Variants in ELFN1 observed in about 807,000 individuals in gnomAD.
The protein encoded by ELFN1 is extracellular leucine rich repeat and fibronectin type III domain containing 1.
ELFN1 carries 6 observed loss-of-function variants against 7.6 expected under a neutral mutation model. The observed-to-expected ratio is 0.79, with a 90% CI of 0.43 to 1.56. ELFN1 has a LOEUF of 1.56. Among genes scored for constraint, ELFN1 ranks in the 40% most tolerant of loss-of-function variants. The probability of loss-of-function intolerance (pLI) is 0.01; values close to 1 mark genes in which losing one functional copy is unlikely to be tolerated. For synonymous variants in ELFN1, 657 were observed against 588.1 expected (o/e 1.12, Z -1.70); for missense variants, 1,169 against 1,232.2 (o/e 0.95, Z 0.77).
chr7:1,737,504 C>T (rs1372366539), intron 3 of ELFN1, among the ~76,000 whole-genome samples: 1 of 152,206 alleles, frequency 6.6e-6, no homozygotes, highest in Non-Finnish European at 1.5e-5. Context: ...GATGCGAAGC[C>T]ACTCGCCCTC....
chr7:1,689,272 G>A (rs1041979281), intron 2 of ELFN1, among the ~76,000 whole-genome samples: 6 of 152,224 alleles, frequency 3.9e-5, no homozygotes, highest in South Asian at 2.1e-4. Context: ...GCATGCTCAC[G>A]CATGTGTGTG....
intron 3 of ELFN1, among the ~76,000 whole-genome samples, chr7:1,718,076 C>T (rs1450799285): frequency 1.3e-5 from 2 of 152,210 alleles, no homozygotes; most frequent in African/African-American, 2.4e-5. Context: ...CTGCAGTTTC[C>T]ATGTCTGGAA....
chr7:1,696,818 G>A (rs1293003269), intron 2 of ELFN1, among the ~76,000 whole-genome samples: 1 of 152,156 alleles, frequency 6.6e-6, no homozygotes, highest in Non-Finnish European at 1.5e-5. Flanking sequence ...CGGGGGCCAG[G>A]GCTTCATCCC....
intron 3 of ELFN1, among the ~76,000 whole-genome samples, chr7:1,738,065 G>T (rs1381939759): frequency 1.3e-5 from 2 of 152,178 alleles, no homozygotes; most frequent in South Asian, 4.1e-4. Flanking sequence ...AGCAGACCTC[G>T]CCAGCGGCTG....
intron 1 of ELFN1, among the ~76,000 whole-genome samples, chr7:1,680,041 A>G (rs1778945874): frequency 6.6e-6 from 1 of 152,216 alleles, no homozygotes; most frequent in Admixed American, 6.5e-5. Context: ...GGGACATGGG[A>G]GTTACGCATT....
Position 1,745,226 on chromosome 7 carries a change from C to T in ELFN1, c.630C>T (p.Asn210=), listed in dbSNP as rs772166992. The stretch of plus-strand genomic sequence containing the variant: ...TGCGCTGGCTGGCCGCCTTCACCAA[C>T]GCCACACAGACGTACGACCGCATGC... The part of the protein sequence containing the change: ...GFLRWLAAFT[N]ATQTYDRMQC... The change falls in exon 4 of 4, where the codon AAC becomes AAT. Residue 210 remains asparagine, a synonymous_variant. Coordinates refer to ENST00000424383, the MANE Select transcript of ELFN1 (RefSeq NM_001128636.4). The T allele has an allele frequency of 3.5e-5, 54 of 1,542,084 alleles. No individual in the cohort carries two copies. The Middle Eastern group carries it at 5.0e-4, about 14-fold the overall frequency.
intron 3 of ELFN1, among the ~76,000 whole-genome samples, chr7:1,712,262 C>T (rs1034379916): frequency 6.6e-6 from 1 of 152,156 alleles, no homozygotes; most frequent in African/African-American, 2.4e-5. Context: ...GCTGGGACTA[C>T]AGGCACCCGC....
rs568828434 is a variant in ELFN1 at position 1,735,127 on chromosome 7, A to T, written c.-293-9177A>T. Among the ~76,000 whole-genome samples, 26 of 152,232 alleles carry T rather than the reference A, an allele frequency of 1.7e-4. No homozygotes were observed. Among genetic ancestry groups the T allele is most frequent in the Middle Eastern group, 3.4e-3 (1 of 294 alleles). On this transcript the variant is annotated intron_variant, in intron 3 of 3. Transcript: ENST00000424383. The surrounding 1 kb of genome is among the most constrained non-coding windows in gnomAD (Gnocchi z 5.9). ...GTTTCCCCATCTGTCCAATTGAGGT[A>T]ACACTAACCTTTGCCTCCCTGAACC...
rs929832599 is a variant in ELFN1 at position 1,744,439 on chromosome 7, G to A, written c.-158G>A. On this transcript the variant is annotated 5_prime_UTR_variant, in exon 4 of 4. Coordinates refer to ENST00000424383, the MANE Select transcript of ELFN1 (RefSeq NM_001128636.4). ...CGTGAGGGAGGCGCCCTCCCTCCCC[G>A]CGCTTACGTCGCGCGGCCATGCGGT... 33 of 834,202 alleles carry A rather than the reference G, an allele frequency of 4.0e-5. No homozygotes were observed. The African/African-American group carries it at 4.2e-4, about 11-fold the overall frequency. The allele number at this position is 834,202 out of a possible 1,614,324, so 51.7% of individuals were successfully genotyped here.
At chr7:1,738,166 A>G (rs770121063) in intron 3 of ELFN1, among the ~76,000 whole-genome samples, 22 of 152,252 alleles carry the variant, frequency 1.4e-4, no homozygotes, top group Admixed American at 2.6e-4. Flanking sequence ...TCCCACCCAG[A>G]CCACGGAGGG....
intron 2 of ELFN1, among the ~76,000 whole-genome samples, chr7:1,702,146 C>T (rs763099543): frequency 7.9e-5 from 12 of 151,804 alleles, no homozygotes; most frequent in East Asian, 3.9e-4. Context: ...CATCCTCGGC[C>T]GGGTGCAGTG....
At chr7:1,666,522 C>T (rs896003926), upstream of ELFN1, among the ~76,000 whole-genome samples, 3 of 152,070 alleles carry the variant, frequency 2.0e-5, no homozygotes, top group African/African-American at 4.8e-5. This position sits in a 1 kb window ranked among gnomAD's most constrained non-coding sequence, Gnocchi z 7.9. Flanking sequence ...AACTTCCCTC[C>T]CCGACGCCGC....
intron 3 of ELFN1, among the ~76,000 whole-genome samples, chr7:1,715,788 G>A (rs1017543943): frequency 9.9e-5 from 15 of 152,176 alleles, no homozygotes; most frequent in African/African-American, 3.1e-4. Context: ...GGCAGGACCT[G>A]GAGATTCCCT....
At chr7:1,667,516 C>A (rs1267437479), upstream of ELFN1, among the ~76,000 whole-genome samples, 1 of 152,186 alleles carries the variant, frequency 6.6e-6, no homozygotes, top group East Asian at 1.9e-4. The surrounding 1 kb of genome is among the most constrained non-coding windows in gnomAD (Gnocchi z 8.2). Flanking sequence ...CTTCGCGCGC[C>A]TCGAGGGCCC....
At position 1,673,495 on chromosome 7, in the gene ELFN1, G is replaced by A. The variant is rs1178923000; in HGVS notation, c.-549+3141G>A. 4.8e-5 allele frequency among the ~76,000 whole-genome samples: 7 copies of A among 147,298 alleles called. No homozygotes were observed. Among genetic ancestry groups the A allele is most frequent in the Non-Finnish European group, 7.5e-5 (5 of 66,240 alleles). ...GCCCAGCACCGTGCCCCCCCTCCCC[G>A]CCCCCTGCCCCGGATGTCCCTTTCC... is the stretch of plus-strand genomic sequence containing the variant. On this transcript the variant is annotated intron_variant, in intron 1 of 3. Transcript: ENST00000424383. The surrounding 1 kb of genome is among the most constrained non-coding windows in gnomAD (Gnocchi z 4.7).
intron 2 of ELFN1, chr7:1,693,902 T>A: frequency 2.5e-6 from 1 of 400,952 alleles, no homozygotes; most frequent in Non-Finnish European, 5.2e-6. Context: ...CCATGCCACC[T>A]CCTCCTGCGT....
chr7:1,698,766 T>C, intron 2 of ELFN1, among the ~76,000 whole-genome samples: 1 of 152,148 alleles, frequency 6.6e-6, no homozygotes, highest in East Asian at 1.9e-4. Context: ...TGTTTCAGGG[T>C]TGATATCACT....
chr7:1,702,713 CAT>C (rs1779454218), intron 2 of ELFN1, among the ~76,000 whole-genome samples: 1 of 151,268 alleles, frequency 6.6e-6, no homozygotes, highest in Non-Finnish European at 1.5e-5. Context: ...ATTTTGGTAA[CAT>C]ATACATTCTG....
intron 2 of ELFN1, among the ~76,000 whole-genome samples, chr7:1,699,067 C>A (rs891542743): frequency 2.0e-5 from 3 of 152,220 alleles, no homozygotes; most frequent in Non-Finnish European, 4.4e-5. Context: ...CTGGGTGCTT[C>A]TGCACATTGC....
Sources: gnomAD v4.1 joint callset for allele counts (sites outside exome capture counted in the v4.1 genomes callset) on GRCh38, gnomAD v4.1.1 for gene constraint, Gnocchi (gnomAD v3.1) non-coding constraint, MANE v1.5 for transcripts, NCBI Gene and HGNC (gene_info 2026-07-23, HGNC 2026-07-21) for gene names.